Variants in NRF1 observed in about 807,000 individuals in gnomAD.
NRF1 encodes nuclear respiratory factor 1, also known as alpha palindromic-binding protein.
Under a neutral mutation model 58.5 loss-of-function variants are expected in NRF1, and 5 were observed. The ratio of observed to expected loss-of-function variants is 0.09; its 90% CI spans 0.04 to 0.18. The LOEUF (loss-of-function observed/expected upper bound fraction) is 0.18, where lower values mean the gene tolerates loss of function less well. Among genes scored for constraint, NRF1 ranks in the 10% least tolerant of loss-of-function variants. NRF1 has a pLI of 1.00. For synonymous variants in NRF1, 224 were observed against 246.7 expected (o/e 0.91, Z 0.86); for missense variants, 288 against 657.7 (o/e 0.44, Z 6.15).
At chr7:129,735,265 C>T (rs772445233) in intron 10 of NRF1, 10 of 984,738 alleles carry the variant, frequency 1.0e-5, no homozygotes, top group Non-Finnish European at 1.2e-5. Flanking sequence ...GGTGCGGTGG[C>T]TCACGCCTGT....
intron 10 of NRF1, among the ~76,000 whole-genome samples, chr7:129,749,446 A>T (rs1456242970): frequency 6.6e-6 from 1 of 151,882 alleles, no homozygotes; most frequent in Non-Finnish European, 1.5e-5. Context: ...AAAAAAAAAA[A>T]ATAGAGCCAT....
intron 2 of NRF1, among the ~76,000 whole-genome samples, chr7:129,667,691 A>C (rs936392287): frequency 6.6e-6 from 1 of 151,610 alleles, no homozygotes; most frequent in East Asian, 1.9e-4. Flanking sequence ...AAAATATTCT[A>C]TAGTAGTTTA....
chr7:129,721,001 C>T (rs1005576656), intron 9 of NRF1, among the ~76,000 whole-genome samples: 2 of 151,622 alleles, frequency 1.3e-5, no homozygotes, highest in Admixed American at 6.6e-5. Flanking sequence ...TATATACATA[C>T]ATACATATAT....
At chr7:129,677,270 T>A (rs1374392336) in intron 3 of NRF1, among the ~76,000 whole-genome samples, 3 of 152,146 alleles carry the variant, frequency 2.0e-5, no homozygotes, top group Non-Finnish European at 4.4e-5. Flanking sequence ...TGCCTTGGCC[T>A]CCCAAAGTGC....
At chr7:129,740,187 A>T (rs1803814160) in intron 10 of NRF1, among the ~76,000 whole-genome samples, 1 of 152,132 alleles carries the variant, frequency 6.6e-6, no homozygotes. Context: ...AATCTCCCCC[A>T]TCCTGGGAGA....
In NRF1 at chr7:129,665,920, G is replaced by A. The variant is rs189691427; in HGVS notation, c.224-5509G>A. 6.5e-4 allele frequency among the ~76,000 whole-genome samples: 99 copies of A among 152,296 alleles called. 2 individuals are homozygous for A. Among genetic ancestry groups the A allele is most frequent in the East Asian group, 1.5e-3 (8 of 5,190 alleles). Reference sequence around the variant, plus strand: ...TGAGCCACTGGGCCTAGCCCTAGAGGACTTCTTTTTAAACAAAATTGGATT... The same window carrying A: ...TGAGCCACTGGGCCTAGCCCTAGAGAACTTCTTTTTAAACAAAATTGGATT... On this transcript the variant is annotated intron_variant, in intron 2 of 10. Transcript: ENST00000393232.
chr7:129,731,962 T>C (rs1803589733), intron 10 of NRF1, among the ~76,000 whole-genome samples: 1 of 152,194 alleles, frequency 6.6e-6, no homozygotes, highest in South Asian at 2.1e-4. Flanking sequence ...TTTCATCTTA[T>C]ACACCTTAAT....
At chr7:129,739,969 TAGACACTCAA>T (rs145661622) in intron 10 of NRF1, among the ~76,000 whole-genome samples, 1 of 152,314 alleles carries the variant, frequency 6.6e-6, no homozygotes, top group East Asian at 1.9e-4. Context: ...CTCTTGATTC[TAGACACTCAA>T]AGAGGGGTAC....
chr7:129,739,826 G>A (rs1179331984), intron 10 of NRF1, among the ~76,000 whole-genome samples: 3 of 152,100 alleles, frequency 2.0e-5, no homozygotes, highest in East Asian at 1.9e-4. Context: ...ATAGTAGCCC[G>A]CCAAAAGATC....
intron 2 of NRF1, among the ~76,000 whole-genome samples, chr7:129,659,812 C>T (rs1801741221): frequency 6.6e-6 from 1 of 152,180 alleles, no homozygotes; most frequent in African/African-American, 2.4e-5. Flanking sequence ...TGTTAGTCTT[C>T]CTCACTTGTA....
intron 10 of NRF1, among the ~76,000 whole-genome samples, chr7:129,737,315 C>T (rs1803739232): frequency 6.6e-6 from 1 of 152,216 alleles, no homozygotes; most frequent in South Asian, 2.1e-4. Context: ...TTGTCTAGGG[C>T]TGCTGTTCTC....
At chr7:129,672,623 G>T (rs1322630702) in intron 3 of NRF1, among the ~76,000 whole-genome samples, 3 of 152,164 alleles carry the variant, frequency 2.0e-5, no homozygotes, top group Non-Finnish European at 4.4e-5. Flanking sequence ...TATTTCGAAA[G>T]TCAACTCATC....
chr7:129,713,024 C>A (rs1197893660), intron 8 of NRF1, among the ~76,000 whole-genome samples: 1 of 151,218 alleles, frequency 6.6e-6, no homozygotes, highest in Non-Finnish European at 1.5e-5. Context: ...AAAGTAACTT[C>A]GTTTCCTTCT....
At chr7:129,621,829 C>T (rs1205274307) in intron 1 of NRF1, among the ~76,000 whole-genome samples, 1 of 144,086 alleles carries the variant, frequency 6.9e-6, no homozygotes. Context: ...GTCGCCCGGG[C>T]TGGAGTGCAG....
intron 10 of NRF1, among the ~76,000 whole-genome samples, chr7:129,737,616 G>A (rs118165756): frequency 0.014 from 2,137 of 152,052 alleles, 24 homozygotes; most frequent in Non-Finnish European, 0.021. Context: ...TCAGTATATG[G>A]GCTTGTTCTC....
chr7:129,710,248 A>C, intron 6 of NRF1, 126 bp from the exon 7 acceptor site: 1 of 773,536 alleles, frequency 1.3e-6, no homozygotes, highest in Non-Finnish European at 2.2e-6. Context: ...AGGTAATCCT[A>C]GGAGAGTCTA....
intron 1 of NRF1, among the ~76,000 whole-genome samples, chr7:129,636,422 T>TG (rs1195268240): frequency 2.0e-5 from 3 of 152,086 alleles, no homozygotes; most frequent in African/African-American, 7.2e-5. Flanking sequence ...TTAGTAGAGA[T>TG]GGGGTCTCAC....
At chr7:129,701,343 A>T (rs1023338581) in intron 5 of NRF1, among the ~76,000 whole-genome samples, 1 of 152,026 alleles carries the variant, frequency 6.6e-6, no homozygotes, top group East Asian at 1.9e-4. Context: ...TCATGCCTGT[A>T]TCCCAGCACT....
intron 2 of NRF1, among the ~76,000 whole-genome samples, chr7:129,662,690 G>A (rs959911616): frequency 1.4e-4 from 22 of 152,084 alleles, no homozygotes; most frequent in African/African-American, 4.1e-4. Flanking sequence ...TTGCTTCTGC[G>A]AGATGCCCGA....
Sources: allele counts gnomAD v4.1 joint callset (sites outside exome capture counted in the v4.1 genomes callset), GRCh38; gene constraint gnomAD v4.1.1; transcripts MANE v1.5; gene names NCBI Gene and HGNC (gene_info 2026-07-23, HGNC 2026-07-21).